Variants in PIR observed in about 807,000 individuals in gnomAD.
The protein encoded by PIR is pirin.
PIR carries 22 observed loss-of-function variants against 24.2 expected under a neutral mutation model. The ratio of observed to expected loss-of-function variants is 0.91; its 90% CI spans 0.65 to 1.30. PIR has a LOEUF of 1.30. PIR is among the 50% of genes most tolerant of loss of function. The pLI is 0.00. For missense variants in PIR, 220 were observed against 220.3 expected (o/e 1.00, Z 0.01); for synonymous variants, 80 against 79.6 (o/e 1.00, Z -0.03).
In PIR at chrX:15,447,563, C is replaced by T. The variant is rs187466417; in HGVS notation, c.480+8285G>A. 9.0e-3 allele frequency among the ~76,000 whole-genome samples: 1,012 copies of T among 111,907 alleles called. 18 individuals carry two copies. In the East Asian group the frequency reaches 0.099, roughly 11 times the overall value. On this transcript the variant is annotated intron_variant, in intron 5 of 9. Coordinates refer to ENST00000380420, the MANE Select transcript of PIR (RefSeq NM_001018109.3). ...TTGATCTCCTGACCTCGTGATCCGG[C>T]CGCCTCGGCCTCCCAAAGTGCTGGG...
intron 3 of PIR, among the ~76,000 whole-genome samples, chrX:15,466,802 C>T (rs1921622341): frequency 9.0e-6 from 1 of 111,689 alleles, no homozygotes; most frequent in African/African-American, 3.3e-5. Flanking sequence ...AGTTCACCTC[C>T]TCGCTTCACT....
intron 2 of PIR, among the ~76,000 whole-genome samples, chrX:15,489,002 A>G (rs1174319831): frequency 8.9e-6 from 1 of 111,933 alleles, no homozygotes; most frequent in African/African-American, 3.3e-5. Flanking sequence ...ATATATTTAC[A>G]TTGTACAACC....
intron 6 of PIR, among the ~76,000 whole-genome samples, chrX:15,410,121 C>T (rs761433352): frequency 2.2e-4 from 24 of 110,249 alleles, no homozygotes; most frequent in Non-Finnish European, 3.8e-4. Flanking sequence ...CGTGGTGGCA[C>T]GTGCCTGTAA....
At chrX:15,406,671 C>G (rs1243487066) in intron 7 of PIR, among the ~76,000 whole-genome samples, 1 of 111,345 alleles carries the variant, frequency 9.0e-6, no homozygotes. Flanking sequence ...GCTGTTTTCT[C>G]CCAGTGCTAC....
chrX:15,385,066 A>T lies in PIR; in HGVS notation c.811T>A (p.Phe271Ile). Residue 271 changes from phenylalanine (F) to isoleucine (I), a missense_variant, in exon 10 of 10, where the codon TTC (phenylalanine) becomes ATC (isoleucine). Coordinates refer to ENST00000380420, the MANE Select transcript of PIR (RefSeq NM_001018109.3). ...NEEISQAILD[F>I]RNAKNGFERA... ...TCAAACCCATTTTTTGCGTTTCTGA[A>T]ATCAAGAATAGCTTGAGAAATCTCT... 8.4e-7 allele frequency: 1 copy of T among 1,195,201 alleles called. No individual in the cohort carries two copies. Among genetic ancestry groups the T allele is most frequent in the Non-Finnish European group, 1.1e-6 (1 of 880,961 alleles).
chrX:15,471,868 C>T (rs1921941367), intron 3 of PIR, among the ~76,000 whole-genome samples: 1 of 112,190 alleles, frequency 8.9e-6, no homozygotes, highest in Non-Finnish European at 1.9e-5. Flanking sequence ...TTTTAATATC[C>T]TTTCAGCTAG....
chrX:15,387,073 CTTT>C (rs764572854), intron 9 of PIR, among the ~76,000 whole-genome samples: 553 of 12,586 alleles, frequency 0.044, 5 homozygotes, highest in African/African-American at 0.13. Flanking sequence ...CTTTTCTTTT[CTTT>C]TTTTTTTTTT....
intron 5 of PIR, 92 bp from the exon 6 acceptor site, chrX:15,426,082 G>C: frequency 1.8e-6 from 1 of 555,992 alleles, no homozygotes; most frequent in Non-Finnish European, 3.1e-6. Context: ...CCTGGACCTG[G>C]ATCCATTATA....
intron 1 of PIR, among the ~76,000 whole-genome samples, chrX:15,492,261 C>T (rs1046430571): frequency 2.7e-5 from 3 of 111,328 alleles, no homozygotes; most frequent in African/African-American, 9.8e-5. Flanking sequence ...TCAGGGCCAA[C>T]ATTTTGGGCA....
At chrX:15,479,508 A>G (rs768165957) in intron 3 of PIR, among the ~76,000 whole-genome samples, 1 of 111,541 alleles carries the variant, frequency 9.0e-6, no homozygotes, top group Non-Finnish European at 1.9e-5. Context: ...TTAATAAGCC[A>G]ACTTATTAAC....
In PIR at chrX:15,445,795, C is replaced by T. The variant is rs115271342; in HGVS notation, c.480+10053G>A. ...AGATGAGAAACTAGCCCAGGTGAAACGTCATCTGTATATTCAAGATATTTC... is the reference window on the plus strand; with the variant it reads ...AGATGAGAAACTAGCCCAGGTGAAATGTCATCTGTATATTCAAGATATTTC... On this transcript the variant is annotated intron_variant, in intron 5 of 9. Transcript: ENST00000380420. Among the ~76,000 whole-genome samples, 641 of 104,315 alleles carry T rather than the reference C, an allele frequency of 6.1e-3. 2 individuals are homozygous for T. Among genetic ancestry groups the T allele is most frequent in the African/African-American group, 0.021 (598 of 28,484 alleles). The allele number at this position is 104,315 out of a possible 115,157, so 90.6% of individuals were successfully genotyped here. A position where few individuals can be genotyped will look rare whatever the true frequency, so the allele number is the denominator to read the frequency against.
intron 2 of PIR, among the ~76,000 whole-genome samples, chrX:15,488,190 A>G (rs1374677568): frequency 9.3e-6 from 1 of 107,106 alleles, no homozygotes; most frequent in Non-Finnish European, 1.9e-5. Flanking sequence ...AGGCAGGAGA[A>G]TCACTTGAAC....
At chrX:15,409,053 T>C (rs963304803) in intron 6 of PIR, among the ~76,000 whole-genome samples, 1 of 109,741 alleles carries the variant, frequency 9.1e-6, no homozygotes, top group Non-Finnish European at 1.9e-5. Context: ...TTAAGCTCTC[T>C]GAAAGTAATG....
At chrX:15,489,989 G>A (rs1472548086) in intron 2 of PIR, among the ~76,000 whole-genome samples, 3 of 111,678 alleles carry the variant, frequency 2.7e-5, no homozygotes, top group African/African-American at 9.8e-5. Context: ...ATGAGTTCAA[G>A]AGATTCATTG....
chrX:15,491,672 T>C (rs1264632551), intron 1 of PIR, among the ~76,000 whole-genome samples: 1 of 112,050 alleles, frequency 8.9e-6, no homozygotes, highest in East Asian at 2.8e-4. Context: ...CATAAGACTA[T>C]AATGCCATAT....
chrX:15,445,600 G>C (rs1280074595), intron 5 of PIR, among the ~76,000 whole-genome samples: 1 of 111,078 alleles, frequency 9.0e-6, no homozygotes, highest in Non-Finnish European at 1.9e-5. Context: ...GAGGTAAATT[G>C]TCATTGTTTT....
chrX:15,470,600 C>CTTTTT (rs1185040119), intron 3 of PIR, among the ~76,000 whole-genome samples: 13 of 45,097 alleles, frequency 2.9e-4, no homozygotes, highest in African/African-American at 4.2e-4. Context: ...TTCTTTCTTT[C>CTTTTT]TTTTTTTTTT....
chrX:15,409,980 C>T (rs1924684647), intron 6 of PIR, among the ~76,000 whole-genome samples: 1 of 110,357 alleles, frequency 9.1e-6, no homozygotes, highest in African/African-American at 3.3e-5. Context: ...AGGTTGGGCA[C>T]GGTCACTCAC....
At chrX:15,477,404 C>T (rs922737345) in intron 3 of PIR, among the ~76,000 whole-genome samples, 8 of 111,783 alleles carry the variant, frequency 7.2e-5, no homozygotes, top group Admixed American at 3.8e-4. Flanking sequence ...TCCTGCAAGC[C>T]TCTGGTCACA....
Sources: gnomAD v4.1 joint callset for allele counts (sites outside exome capture counted in the v4.1 genomes callset) on GRCh38, gnomAD v4.1.1 for gene constraint, MANE v1.5 for transcripts, NCBI Gene and HGNC (gene_info 2026-07-23, HGNC 2026-07-21) for gene names.